Variants in RBM26 observed in about 807,000 individuals in gnomAD.
RBM26 encodes RNA-binding protein 26.
RBM26 carries 30 observed loss-of-function variants against 123.6 expected under a neutral mutation model. The observed-to-expected ratio is 0.24, with a 90% CI of 0.18 to 0.33. RBM26 has a LOEUF of 0.33. RBM26 is among the 10% of genes least tolerant of loss of function. The pLI is 1.00. For synonymous variants in RBM26, 400 were observed against 404.4 expected, an observed-to-expected ratio of 0.99 and a Z score of 0.13; for missense variants, 947 against 1,203.6, an observed-to-expected ratio of 0.79 and a Z score of 3.15.
At chr13:79,382,406 C>T (rs8001089) in intron 1 of RBM26, among the ~76,000 whole-genome samples, 150,082 of 152,122 alleles carry the variant, frequency 0.99, 74,077 homozygotes, top group Non-Finnish European at 1. Flanking sequence ...AAAGAAAAAG[C>T]AGACCTGAAA....
intron 21 of RBM26, among the ~76,000 whole-genome samples, chr13:79,321,416 T>A (rs1229275405): frequency 6.6e-6 from 1 of 151,502 alleles, no homozygotes; most frequent in African/African-American, 2.4e-5. Flanking sequence ...CAAAATGAAG[T>A]GCCATTATGA....
chr13:79,342,803 T>C lies in RBM26; in HGVS notation c.2288A>G (p.Lys763Arg), dbSNP rs761601085. ...TGCTTTATCTTCAGACTTCATTGTT[T>C]TGTTTTTCTCCAGTTTTGAAATTAA... The part of the protein sequence containing the change: ...KMLISKLEKN[K>R]TMKSEDKAEI... Residue 763 changes from lysine to arginine, a missense_variant, in exon 17 of 22, where the codon AAA becomes AGA. Coordinates refer to ENST00000438737, the MANE Select transcript of RBM26 (RefSeq NM_001366735.2). 2.5e-6 allele frequency: 4 copies of C among 1,598,850 alleles called. No homozygotes were observed. Among genetic ancestry groups the C allele is most frequent in the African/African-American group, 1.4e-5 (1 of 73,954 alleles).
At chr13:79,315,517 A>G (rs79931327), downstream of RBM26, among the ~76,000 whole-genome samples, 9,333 of 151,874 alleles carry the variant, frequency 0.061, 326 homozygotes, top group Middle Eastern at 0.23. Flanking sequence ...CAGTAAAAAT[A>G]AAAGGAATAC....
intron 20 of RBM26, among the ~76,000 whole-genome samples, chr13:79,322,782 A>G (rs568224476): frequency 6.6e-6 from 1 of 151,642 alleles, no homozygotes; most frequent in South Asian, 2.1e-4. Flanking sequence ...CTACATGTTT[A>G]TAACACAATG....
chr13:79,353,098 G>T, intron 14 of RBM26, 55 bp downstream of exon 14: 4 of 1,012,674 alleles, frequency 3.9e-6, no homozygotes, highest in Non-Finnish European at 4.3e-6. Context: ...AAATTAAGAT[G>T]CCACCTGAAA....
chr13:79,389,223 T>C (rs1437000194), intron 1 of RBM26, among the ~76,000 whole-genome samples: 3 of 152,194 alleles, frequency 2.0e-5, no homozygotes, highest in Non-Finnish European at 2.9e-5. Context: ...GAACTACTTA[T>C]AATGCAATAC....
At chr13:79,344,527 C>T in intron 15 of RBM26, 142 bp downstream of exon 15, 1 of 851,296 alleles carries the variant, frequency 1.2e-6, no homozygotes, top group East Asian at 2.6e-5. Context: ...TTATTTACCG[C>T]TATACTATGG....
intron 5 of RBM26, among the ~76,000 whole-genome samples, chr13:79,370,614 T>G (rs889758008): frequency 6.6e-6 from 1 of 152,226 alleles, no homozygotes; most frequent in African/African-American, 2.4e-5. Flanking sequence ...AGAAGTAGAA[T>G]AGCGGACCCA....
In RBM26 at chr13:79,319,347, T is replaced by C. The variant is rs76919648; in HGVS notation, c.*1274A>G. 477 of 983,164 alleles carry C rather than the reference T, an allele frequency of 4.9e-4. 4 individuals carry two copies. The African/African-American group carries it at 7.8e-3, about 16-fold the overall frequency. The allele number at this position is 983,164 out of a possible 1,614,324, so 60.9% of individuals were successfully genotyped here. ...AATGATGAATTTGAAAATATAAATA[T>C]GTAATCTCCCACCCCCATTCTACAA... On this transcript the variant is annotated 3_prime_UTR_variant, in exon 22 of 22. Coordinates refer to ENST00000438737, the MANE Select transcript of RBM26 (RefSeq NM_001366735.2).
chr13:79,402,212 T>C (rs1451583506), intron 1 of RBM26, among the ~76,000 whole-genome samples: 2 of 152,148 alleles, frequency 1.3e-5, no homozygotes, highest in African/African-American at 4.8e-5. Flanking sequence ...TTTCATATTA[T>C]TGGCAAGTAT....
chr13:79,372,765 T>A (rs1160034875), intron 3 of RBM26, among the ~76,000 whole-genome samples: 1 of 96,558 alleles, frequency 1.0e-5, no homozygotes, highest in East Asian at 2.4e-4. Context: ...ATTATATATT[T>A]TATATTATAT....
At chr13:79,357,403 T>C (rs1439606670) in intron 11 of RBM26, among the ~76,000 whole-genome samples, 1 of 152,048 alleles carries the variant, frequency 6.6e-6, no homozygotes, top group Middle Eastern at 3.2e-3. Context: ...GGGGAAAAAT[T>C]CAACATACTA....
chr13:79,368,724 A>G lies in RBM26; in HGVS notation c.895+6T>C. 1.2e-6 allele frequency: 2 copies of G among 1,611,494 alleles called. No individual in the cohort carries two copies. The highest frequency in any genetic ancestry group is 1.3e-5 in the African/African-American group (1 of 74,972). On this transcript the variant is annotated splice_donor_region_variant and intron_variant, in intron 6 of 21. Coordinates refer to ENST00000438737, the MANE Select transcript of RBM26 (RefSeq NM_001366735.2). ...AAATACTTTATCAAACAGCTGAAAG[A>G]CTTACCATCATAGTCTCTACACCGT...
chr13:79,345,510 G>A (rs977348530), intron 14 of RBM26, among the ~76,000 whole-genome samples: 6 of 151,944 alleles, frequency 3.9e-5, no homozygotes, highest in Non-Finnish European at 8.8e-5. Flanking sequence ...TACAATGTAA[G>A]GGCATTAACA....
intron 14 of RBM26, among the ~76,000 whole-genome samples, chr13:79,348,620 T>C (rs2072707042): frequency 6.6e-6 from 1 of 152,150 alleles, no homozygotes; most frequent in Non-Finnish European, 1.5e-5. Flanking sequence ...ATTGGTTTAA[T>C]GCAATCAAAA....
rs571585443 is a variant in RBM26 at position 79,319,948 on chromosome 13, G to A, written c.*673C>T. 3.0e-4 allele frequency: 132 copies of A among 438,186 alleles called. 3 individuals are homozygous for A. The East Asian group carries it at 0.047, about 155-fold the overall frequency. The allele number at this position is 438,186 out of a possible 1,614,324, so 27.1% of individuals were successfully genotyped here. On this transcript the variant is annotated 3_prime_UTR_variant, in exon 22 of 22. Transcript: ENST00000438737. ...TTTTAAATCAAGGAACATTGTCTTG[G>A]CTTTTTTTTTTTTTTTTTTTTTGTC...
At chr13:79,354,379 C>A in intron 13 of RBM26, 60 bp downstream of exon 13, 3 of 1,326,142 alleles carry the variant, frequency 2.3e-6, no homozygotes, top group Non-Finnish European at 3.0e-6. Context: ...TTCAAATCAC[C>A]AAGGGAAACT....
At chr13:79,375,102 A>ATG (rs2076555960) in intron 3 of RBM26, among the ~76,000 whole-genome samples, 1 of 125,298 alleles carries the variant, frequency 8.0e-6, no homozygotes, top group African/African-American at 2.8e-5. Context: ...ATATTTATAT[A>ATG]TATCATATAA....
downstream of RBM26, among the ~76,000 whole-genome samples, chr13:79,316,213 G>GTGTGTGTGTT (rs1488942866): frequency 6.6e-6 from 1 of 151,162 alleles, no homozygotes. Context: ...GTGTGTGTGT[G>GTGTGTGTGTT]TGTGTGTGTG....
Sources: gnomAD v4.1 joint callset for allele counts (sites outside exome capture counted in the v4.1 genomes callset) on GRCh38, gnomAD v4.1.1 for gene constraint, MANE v1.5 for transcripts, NCBI Gene and HGNC (gene_info 2026-07-23, HGNC 2026-07-21) for gene names.